Variants in TRABD2B observed in about 807,000 individuals in gnomAD.
TRABD2B encodes metalloprotease TIKI2.
TRABD2B carries 14 observed loss-of-function variants against 40.1 expected under a neutral mutation model. That is an observed-to-expected ratio of 0.35 (90% CI 0.23 to 0.55). The LOEUF (loss-of-function observed/expected upper bound fraction) is 0.55. TRABD2B is among the 20% of genes least tolerant of loss of function. The probability of loss-of-function intolerance (pLI) is 0.90; values close to 1 mark genes in which losing one functional copy is unlikely to be tolerated. For synonymous variants in TRABD2B, 263 were observed against 277.0 expected (o/e 0.95, Z 0.50); for missense variants, 541 against 648.6 (o/e 0.83, Z 1.80).
At chr1:47,869,170 T>G (rs1644104982) in intron 2 of TRABD2B, among the ~76,000 whole-genome samples, 1 of 152,354 alleles carries the variant, frequency 6.6e-6, no homozygotes, top group South Asian at 2.1e-4. Context: ...GGGTAGGAAC[T>G]GTCTTACACA....
chr1:47,879,057 C>T (rs1490323068), intron 2 of TRABD2B, among the ~76,000 whole-genome samples: 2 of 150,444 alleles, frequency 1.3e-5, no homozygotes, highest in African/African-American at 2.5e-5. Flanking sequence ...GTGAGCTGTG[C>T]TTATGCCACC....
chr1:47,962,200 C>T (rs1255337678), intron 2 of TRABD2B, among the ~76,000 whole-genome samples: 1 of 150,700 alleles, frequency 6.6e-6, no homozygotes. Flanking sequence ...ACATCACACG[C>T]CGGGGCCTGT....
chr1:47,958,117 T>C (rs1260853505), intron 2 of TRABD2B, among the ~76,000 whole-genome samples: 2 of 151,362 alleles, frequency 1.3e-5, no homozygotes, highest in African/African-American at 4.9e-5. Flanking sequence ...CTAAGCTTCA[T>C]AAGTGAAGGA....
chr1:47,885,027 C>G (rs750485403), intron 2 of TRABD2B, among the ~76,000 whole-genome samples: 2 of 152,114 alleles, frequency 1.3e-5, no homozygotes, highest in South Asian at 4.2e-4. Flanking sequence ...TGCCACCCAG[C>G]TGCTCAAAAC....
chr1:47,887,551 T>C lies in TRABD2B; in HGVS notation c.667-85932A>G, dbSNP rs181608002. The stretch of plus-strand genomic sequence containing the variant: ...ACATTTTCAGGTTCTTTGCCATAAG[T>C]GAAGGATGTGAAAGTCCTGGGGTGG... On this transcript the variant is annotated intron_variant, in intron 2 of 6. Transcript: ENST00000606738. Among the ~76,000 whole-genome samples the C allele has an allele frequency of 7.2e-5, 10 of 138,336 alleles. 1 individual carries two copies. The East Asian group carries it at 2.1e-3, about 29-fold the overall frequency. The allele number at this position is 138,336 out of a possible 152,430, so 90.8% of individuals were successfully genotyped here.
At chr1:47,940,902 GA>G (rs1164007009) in intron 2 of TRABD2B, among the ~76,000 whole-genome samples, 3 of 152,190 alleles carry the variant, frequency 2.0e-5, no homozygotes, top group Non-Finnish European at 2.9e-5. Context: ...AAAACATTAA[GA>G]CCCACTTTAG....
intron 2 of TRABD2B, among the ~76,000 whole-genome samples, chr1:47,873,972 G>A (rs1416573481): frequency 6.6e-6 from 1 of 152,190 alleles, no homozygotes; most frequent in Non-Finnish European, 1.5e-5. Context: ...ATGTGTGACT[G>A]GAGAACTTGC....
intron 6 of TRABD2B, among the ~76,000 whole-genome samples, chr1:47,767,993 G>A (rs1323754243): frequency 1.3e-5 from 2 of 152,290 alleles, no homozygotes; most frequent in African/African-American, 4.8e-5. Context: ...GGGAACCCGG[G>A]GCCACCAAGC....
chr1:47,860,877 T>C (rs185100845), intron 2 of TRABD2B, among the ~76,000 whole-genome samples: 197 of 152,338 alleles, frequency 1.3e-3, no homozygotes, highest in African/African-American at 4.5e-3. Context: ...AAGCCCTTGC[T>C]AGAAGCCAGC....
Position 47,802,488 on chromosome 1 carries a change from C to T in TRABD2B, c.667-869G>A, listed in dbSNP as rs964260874. 3.9e-5 allele frequency among the ~76,000 whole-genome samples: 6 copies of T among 152,274 alleles called. 1 individual carries two copies. In the Middle Eastern group the frequency reaches 0.01, roughly 259 times the overall value. ...GAGCTAGTTTTAGGAGACAGAGTATCCCAGACTCCTTTGTTCAACAGAAGG... is the reference window on the plus strand; with the variant it reads ...GAGCTAGTTTTAGGAGACAGAGTATTCCAGACTCCTTTGTTCAACAGAAGG... On this transcript the variant is annotated intron_variant, in intron 2 of 6. Transcript: ENST00000606738.
At chr1:47,954,122 G>T (rs1280021038) in intron 2 of TRABD2B, among the ~76,000 whole-genome samples, 2 of 152,156 alleles carry the variant, frequency 1.3e-5, no homozygotes, top group Non-Finnish European at 2.9e-5. Flanking sequence ...GGCCAGTGAG[G>T]GTCACTACAG....
chr1:47,975,279 T>A (rs898418607), intron 2 of TRABD2B, among the ~76,000 whole-genome samples: 4 of 152,202 alleles, frequency 2.6e-5, no homozygotes, highest in African/African-American at 4.8e-5. Flanking sequence ...ATTCTGTAAA[T>A]CAAAAACTGT....
chr1:47,976,272 AC>A (rs1207096367), intron 2 of TRABD2B, among the ~76,000 whole-genome samples: 1 of 152,176 alleles, frequency 6.6e-6, no homozygotes, highest in Non-Finnish European at 1.5e-5. Flanking sequence ...TACCCCTTAC[AC>A]ACTGGGAGGC....
intron 2 of TRABD2B, among the ~76,000 whole-genome samples, chr1:47,975,358 A>C (rs1452283913): frequency 6.6e-6 from 1 of 152,242 alleles, no homozygotes; most frequent in Non-Finnish European, 1.5e-5. Context: ...AATGCTGCAC[A>C]TATATTTTCA....
chr1:47,792,569 G>C (rs1644689545), intron 4 of TRABD2B, among the ~76,000 whole-genome samples: 1 of 152,210 alleles, frequency 6.6e-6, no homozygotes, highest in South Asian at 2.1e-4. Flanking sequence ...GCTGGCGTTT[G>C]GCATGCCTGT....
chr1:47,786,260 T>TA (rs995866262), intron 4 of TRABD2B, among the ~76,000 whole-genome samples: 3 of 151,942 alleles, frequency 2.0e-5, no homozygotes, highest in African/African-American at 7.3e-5. Flanking sequence ...CCCATGCTTT[T>TA]AATCTACACT....
intron 2 of TRABD2B, among the ~76,000 whole-genome samples, chr1:47,832,360 C>T (rs1645262430): frequency 1.3e-5 from 2 of 151,782 alleles, no homozygotes. Flanking sequence ...AGACGTGGGT[C>T]CAGTCCGACC....
intron 6 of TRABD2B, among the ~76,000 whole-genome samples, chr1:47,768,209 G>A (rs936315730): frequency 2.0e-4 from 30 of 152,226 alleles, no homozygotes; most frequent in Admixed American, 2.0e-3. Context: ...GGTGTGATGT[G>A]CCATGATCTT....
chr1:47,992,642 CAG>C (rs1329762584), intron 2 of TRABD2B, among the ~76,000 whole-genome samples: 1 of 152,168 alleles, frequency 6.6e-6, no homozygotes, highest in Non-Finnish European at 1.5e-5. Context: ...GGTCCCGACA[CAG>C]ATAATATCAG....
Sources: allele counts gnomAD v4.1 joint callset (sites outside exome capture counted in the v4.1 genomes callset), GRCh38; gene constraint gnomAD v4.1.1; transcripts MANE v1.5; gene names NCBI Gene and HGNC (gene_info 2026-07-23, HGNC 2026-07-21).